KCTD8: variants seen among roughly 807,000 people sequenced by gnomAD.
The protein encoded by KCTD8 is BTB/POZ domain-containing protein KCTD8.
Under a neutral mutation model 31.5 loss-of-function variants are expected in KCTD8, and 27 were observed. That is an observed-to-expected ratio of 0.86 (90% confidence interval 0.63 to 1.18). The LOEUF (loss-of-function observed/expected upper bound fraction) is 1.18. KCTD8 is among the 50% of genes most tolerant of loss of function. KCTD8 has a pLI of 0.00. For synonymous variants in KCTD8, 290 were observed against 280.0 expected (o/e 1.04, Z -0.36); for missense variants, 658 against 647.7 (o/e 1.02, Z -0.17).
At chr4:44,236,682 G>T (rs796462033) in intron 1 of KCTD8, among the ~76,000 whole-genome samples, 1 of 152,114 alleles carries the variant, frequency 6.6e-6, no homozygotes, top group East Asian at 1.9e-4. Context: ...GTGTCTACAT[G>T]GAGGACCAAG....
chr4:44,303,136 G>A (rs1343804321), intron 1 of KCTD8, among the ~76,000 whole-genome samples: 1 of 152,076 alleles, frequency 6.6e-6, no homozygotes, highest in Non-Finnish European at 1.5e-5. Context: ...TTTTATTGAG[G>A]ATTTTTGCAT....
intron 1 of KCTD8, among the ~76,000 whole-genome samples, chr4:44,185,435 C>T (rs956371688): frequency 6.6e-6 from 1 of 152,194 alleles, no homozygotes; most frequent in Non-Finnish European, 1.5e-5. Flanking sequence ...TTAAGTATAT[C>T]CTTGTTCAAA....
At chr4:44,252,287 A>AT (rs148968516) in intron 1 of KCTD8, among the ~76,000 whole-genome samples, 4,584 of 151,740 alleles carry the variant, frequency 0.03, 243 homozygotes, top group African/African-American at 0.11. Context: ...CTAGTTCCAT[A>AT]TTTTTTGCAA....
chr4:44,210,573 AT>A (rs1171546207), intron 1 of KCTD8, among the ~76,000 whole-genome samples: 2 of 152,070 alleles, frequency 1.3e-5, no homozygotes, highest in African/African-American at 4.8e-5. Context: ...CATAGGAAAC[AT>A]TTTTTTACTA....
At chr4:44,218,635 A>G (rs1387569526) in intron 1 of KCTD8, among the ~76,000 whole-genome samples, 1 of 137,988 alleles carries the variant, frequency 7.2e-6, no homozygotes, top group Non-Finnish European at 1.6e-5. Context: ...TAAAAAATAA[A>G]TAAAGAAAAA....
chr4:44,371,540 A>G (rs1719785775), intron 1 of KCTD8, among the ~76,000 whole-genome samples: 1 of 152,220 alleles, frequency 6.6e-6, no homozygotes, highest in African/African-American at 2.4e-5. Flanking sequence ...TAGTCGTTAA[A>G]AGTATATTAT....
intron 1 of KCTD8, among the ~76,000 whole-genome samples, chr4:44,446,367 T>C (rs1560456929): frequency 6.6e-6 from 1 of 152,366 alleles, no homozygotes; most frequent in Non-Finnish European, 1.5e-5. Context: ...ATTCTCCCTA[T>C]GCTACAGGCA....
chr4:44,226,972 T>C (rs1404854082), intron 1 of KCTD8, among the ~76,000 whole-genome samples: 1 of 152,194 alleles, frequency 6.6e-6, no homozygotes, highest in Admixed American at 6.5e-5. Flanking sequence ...GCAAACATTT[T>C]CTTCCATTCT....
chr4:44,241,906 T>A (rs1715466505), intron 1 of KCTD8, among the ~76,000 whole-genome samples: 1 of 152,194 alleles, frequency 6.6e-6, no homozygotes, highest in Non-Finnish European at 1.5e-5. Flanking sequence ...GCTATAATAA[T>A]AAATATTGCT....
chr4:44,244,952 T>A (rs1257441516), intron 1 of KCTD8, among the ~76,000 whole-genome samples: 3 of 152,114 alleles, frequency 2.0e-5, no homozygotes, highest in African/African-American at 7.2e-5. Flanking sequence ...GGCTGAAGCC[T>A]TTATGATGGG....
intron 1 of KCTD8, among the ~76,000 whole-genome samples, chr4:44,215,035 GACTCA>G (rs1314776924): frequency 6.6e-6 from 1 of 152,126 alleles, no homozygotes; most frequent in African/African-American, 2.4e-5. Context: ...CCCAGGAAAT[GACTCA>G]ACTCAAGAGG....
rs191322990 is a variant in KCTD8, at chr4:44,324,436, T to G, written c.961+123127A>C. ...ACAATTGCAGAAGCTAATCTTTCTC[T>G]TTCAGGGAAATTTGCATGTCTCTGA... On this transcript the variant is annotated intron_variant, in intron 1 of 1. Transcript: ENST00000360029. 7.2e-5 allele frequency among the ~76,000 whole-genome samples: 11 copies of G among 152,188 alleles called. 1 individual carries two copies.
At chr4:44,383,762 C>T (rs78566703) in intron 1 of KCTD8, among the ~76,000 whole-genome samples, 13,322 of 151,880 alleles carry the variant, frequency 0.088, 788 homozygotes, top group East Asian at 0.2. Context: ...GGACACTGGT[C>T]TGGGCAAAAA....
chr4:44,401,891 T>C (rs1485034089), intron 1 of KCTD8, among the ~76,000 whole-genome samples: 4 of 152,180 alleles, frequency 2.6e-5, no homozygotes, highest in Non-Finnish European at 4.4e-5. Context: ...GGATTCTATT[T>C]TTTATAGTGC....
chr4:44,281,284 G>A (rs889986813), intron 1 of KCTD8, among the ~76,000 whole-genome samples: 3 of 152,094 alleles, frequency 2.0e-5, no homozygotes, highest in African/African-American at 7.2e-5. Context: ...CTCATTTACT[G>A]ATTGCAAAAG....
intron 1 of KCTD8, among the ~76,000 whole-genome samples, chr4:44,264,643 G>T (rs1378592286): frequency 6.6e-6 from 1 of 152,178 alleles, no homozygotes; most frequent in Non-Finnish European, 1.5e-5. Flanking sequence ...CAAGGAAAGG[G>T]GTGACAGAGG....
At chr4:44,416,792 C>G (rs1184959718) in intron 1 of KCTD8, among the ~76,000 whole-genome samples, 1 of 152,132 alleles carries the variant, frequency 6.6e-6, no homozygotes, top group African/African-American at 2.4e-5. Context: ...AAATAAAAAT[C>G]TCTTTTCTTT....
At chr4:44,299,364 A>C (rs747769039) in intron 1 of KCTD8, among the ~76,000 whole-genome samples, 2 of 152,218 alleles carry the variant, frequency 1.3e-5, no homozygotes, top group Non-Finnish European at 2.9e-5. Context: ...AACATAATGA[A>C]AATCCAAGAT....
At chr4:44,433,595 T>C (rs1206010534) in intron 1 of KCTD8, among the ~76,000 whole-genome samples, 11 of 151,772 alleles carry the variant, frequency 7.2e-5, no homozygotes, top group Admixed American at 4.6e-4. Context: ...CTGTACTTAT[T>C]TACTACAAGA....
Sources: gnomAD v4.1 joint callset for allele counts (sites outside exome capture counted in the v4.1 genomes callset) on GRCh38, gnomAD v4.1.1 for gene constraint, MANE v1.5 for transcripts, NCBI Gene and HGNC (gene_info 2026-07-23, HGNC 2026-07-21) for gene names.